The following DNAJC15 variants were observed in gnomAD, a reference collection of about 807,000 sequenced individuals.
The protein encoded by DNAJC15 is DnaJ heat shock protein family (Hsp40) member C15.
A neutral mutation model predicts 22.4 loss-of-function variants in DNAJC15; 27 were observed. That is an observed-to-expected ratio of 1.20 (90% CI 0.89 to 1.66). The LOEUF (loss-of-function observed/expected upper bound fraction) is 1.66. DNAJC15 is among the 40% of genes most tolerant of loss of function. The pLI is 0.00. For missense variants in DNAJC15, 208 were observed against 187.1 expected (o/e 1.11, Z -0.65); for synonymous variants, 79 against 63.2 (o/e 1.25, Z -1.19).
chr13:43,046,292 TAA>T (rs1455228097), intron 1 of DNAJC15, among the ~76,000 whole-genome samples: 9 of 152,178 alleles, frequency 5.9e-5, no homozygotes, highest in Non-Finnish European at 1.3e-4. Flanking sequence ...GATTTTTAAT[TAA>T]GTTTAACTAG....
intron 3 of DNAJC15, 91 bp from the exon 4 acceptor site, chr13:43,078,517 AATGC>A: frequency 1.1e-6 from 1 of 898,222 alleles, no homozygotes; most frequent in South Asian, 2.3e-5. Flanking sequence ...CTTCTAGTAA[AATGC>A]ATTACTCTCA....
intron 1 of DNAJC15, among the ~76,000 whole-genome samples, chr13:43,051,592 A>G (rs774739270): frequency 2.5e-4 from 38 of 151,980 alleles, no homozygotes; most frequent in Non-Finnish European, 4.9e-4. Flanking sequence ...GTTGCTGCAA[A>G]TGCCGTTATT....
chr13:43,047,813 T>C (rs1036384380), intron 1 of DNAJC15, among the ~76,000 whole-genome samples: 6 of 152,118 alleles, frequency 3.9e-5, no homozygotes, highest in Admixed American at 3.3e-4. Context: ...AGTAAAAGTT[T>C]AGTACGAGCC....
chr13:43,048,993 T>C (rs368364670), intron 1 of DNAJC15, among the ~76,000 whole-genome samples: 14 of 150,710 alleles, frequency 9.3e-5, no homozygotes, highest in African/African-American at 3.4e-4. Flanking sequence ...AAGCCTCATA[T>C]GGCATCCATA....
chr13:43,060,366 C>T (rs917287822), intron 1 of DNAJC15, among the ~76,000 whole-genome samples: 7 of 151,932 alleles, frequency 4.6e-5, no homozygotes, highest in African/African-American at 1.2e-4. Flanking sequence ...TTTGTATGAA[C>T]TGAGAAAGTA....
chr13:43,044,227 G>C (rs1044709403), intron 1 of DNAJC15, among the ~76,000 whole-genome samples: 2 of 152,140 alleles, frequency 1.3e-5, no homozygotes, highest in Non-Finnish European at 2.9e-5. Context: ...ACTGAGTTCA[G>C]CAGAAAGTGA....
At chr13:43,067,232 AAC>A (rs146211416) in intron 2 of DNAJC15, among the ~76,000 whole-genome samples, 2,607 of 152,304 alleles carry the variant, frequency 0.017, 90 homozygotes, top group East Asian at 0.11. Context: ...TATCATTTAA[AAC>A]ACTATTTTAA....
chr13:43,023,827 C>T, intron 1 of DNAJC15, 93 bp downstream of exon 1: 2 of 1,180,746 alleles, frequency 1.7e-6, no homozygotes, highest in South Asian at 2.8e-5. Flanking sequence ...CCTTTGTACT[C>T]CCCCGCATTC....
intron 5 of DNAJC15, among the ~76,000 whole-genome samples, chr13:43,093,177 C>T (rs181488719): frequency 2.0e-4 from 31 of 151,956 alleles, no homozygotes; most frequent in Admixed American, 1.8e-3. Flanking sequence ...TGTAATTTTA[C>T]GTATCTTTTC....
intron 1 of DNAJC15, among the ~76,000 whole-genome samples, chr13:43,046,711 T>C (rs1411792188): frequency 3.3e-5 from 5 of 152,194 alleles, no homozygotes; most frequent in African/African-American, 1.2e-4. Flanking sequence ...TTTCATTCTA[T>C]TAAATCTTGC....
chr13:43,060,231 C>T (rs910702153), intron 1 of DNAJC15, among the ~76,000 whole-genome samples: 4 of 151,882 alleles, frequency 2.6e-5, no homozygotes, highest in East Asian at 1.9e-4. Flanking sequence ...GGATTAGGGG[C>T]GGCGTGGGAA....
intron 5 of DNAJC15, among the ~76,000 whole-genome samples, chr13:43,105,905 C>T (rs377268860): frequency 1.3e-5 from 2 of 152,120 alleles, no homozygotes; most frequent in Non-Finnish European, 2.9e-5. Context: ...TTCTTTGTAA[C>T]TCTTATAGCA....
At position 43,057,582 on chromosome 13, in the gene DNAJC15, T is replaced by C. The variant is rs533656083; in HGVS notation, c.109-8104T>C. Among the ~76,000 whole-genome samples, 9 of 152,362 alleles carry C rather than the reference T, an allele frequency of 5.9e-5. No individual in the cohort carries two copies. In the South Asian group the frequency reaches 1.9e-3, roughly 32 times the overall value. ...TTGAGTAACATAATAATCGACCTTC[T>C]GAAATCTTTATCTGACAATTTAGAG... On this transcript the variant is annotated intron_variant, in intron 1 of 5. Coordinates refer to ENST00000379221, the MANE Select transcript of DNAJC15 (RefSeq NM_013238.3).
chr13:43,054,824 A>G (rs1593315918), intron 1 of DNAJC15, among the ~76,000 whole-genome samples: 1 of 152,280 alleles, frequency 6.6e-6, no homozygotes, highest in South Asian at 2.1e-4. Flanking sequence ...CTTTCCTTCT[A>G]ACATAAAGTA....
At chr13:43,071,468 T>G (rs1483832620) in intron 3 of DNAJC15, among the ~76,000 whole-genome samples, 1 of 152,226 alleles carries the variant, frequency 6.6e-6, no homozygotes, top group African/African-American at 2.4e-5. Context: ...ATCTTTATCA[T>G]TGTCATAATC....
intron 1 of DNAJC15, 37 bp from the exon 2 acceptor site, chr13:43,065,649 G>A: frequency 6.5e-7 from 1 of 1,542,526 alleles, no homozygotes; most frequent in Non-Finnish European, 8.9e-7. Flanking sequence ...AACCCAGCAT[G>A]TTACATCATA....
intron 5 of DNAJC15, among the ~76,000 whole-genome samples, chr13:43,091,543 G>A (rs1247551824): frequency 6.6e-6 from 1 of 151,896 alleles, no homozygotes; most frequent in African/African-American, 2.4e-5. Context: ...TTATTACCTT[G>A]GTAATGTTTG....
In DNAJC15 at chr13:43,107,192, G is replaced by A. The variant is rs138061775; in HGVS notation, c.397G>A (p.Val133Ile). ...NHPDKGGSPY[V>I]AAKINEAKDL... ...TGTTCTCTCAGGTGGATCTCCTTAC[G>A]TAGCAGCCAAAATAAATGAAGCAAA... Residue 133 changes from valine to isoleucine, a missense_variant, in exon 6 of 6, where the codon GTA becomes ATA. Transcript: ENST00000379221. The A allele has an allele frequency of 1.1e-4, 167 of 1,585,756 alleles. No individual in the cohort carries two copies. In the African/African-American group the frequency reaches 1.4e-3, roughly 14 times the overall value.
At chr13:43,034,799 G>A (rs1007867337) in intron 1 of DNAJC15, among the ~76,000 whole-genome samples, 6 of 152,130 alleles carry the variant, frequency 3.9e-5, no homozygotes, top group Non-Finnish European at 7.4e-5. Context: ...CCAACGTTGT[G>A]GGGGTTTTTT....
Sources: gnomAD v4.1 joint callset for allele counts (sites outside exome capture counted in the v4.1 genomes callset) on GRCh38, gnomAD v4.1.1 for gene constraint, MANE v1.5 for transcripts, NCBI Gene and HGNC (gene_info 2026-07-23, HGNC 2026-07-21) for gene names.